The following ABCC1 variants were observed in gnomAD, a reference collection of about 807,000 sequenced individuals.
ABCC1 encodes the protein ATP binding cassette subfamily C member 1 (ABCC1 blood group), also known as multidrug resistance-associated protein 1.
ABCC1 carries 83 observed loss-of-function variants against 172.9 expected under a neutral mutation model. That is an observed-to-expected ratio of 0.48 (90% CI 0.40 to 0.58). The LOEUF (loss-of-function observed/expected upper bound fraction) is 0.58. Ranked by LOEUF, ABCC1 falls within the 20% of genes least tolerant of loss-of-function variation. The pLI, the probability that ABCC1 is intolerant of heterozygous loss-of-function variation, is 0.00. For synonymous variants in ABCC1, 937 were observed against 825.2 expected, an observed-to-expected ratio of 1.14 and a Z score of -2.32; for missense variants, 1,817 against 2,002.7, an observed-to-expected ratio of 0.91 and a Z score of 1.77.
chr16:16,118,883 T>TAAAAAAAAAAAAAAAAAAAA (rs397855738), intron 23 of ABCC1, among the ~76,000 whole-genome samples: 1 of 118,446 alleles, frequency 8.4e-6, no homozygotes. Context: ...AAGTGTATAT[T>TAAAAAAAAAAAAAAAAAAAA]AAAAAAAAAA....
At chr16:15,991,768 A>G (rs2046877115) in intron 1 of ABCC1, among the ~76,000 whole-genome samples, 3 of 152,050 alleles carry the variant, frequency 2.0e-5, no homozygotes, top group African/African-American at 7.2e-5. Flanking sequence ...AAGGCCATAC[A>G]CGCCGACTCT....
chr16:15,957,783 G>T (rs1411245260), intron 1 of ABCC1, among the ~76,000 whole-genome samples: 1 of 152,168 alleles, frequency 6.6e-6, no homozygotes, highest in East Asian at 1.9e-4. Context: ...GATAGAAACG[G>T]GGTTTCCAGT....
intron 1 of ABCC1, among the ~76,000 whole-genome samples, chr16:15,997,015 G>T (rs2047080063): frequency 6.6e-6 from 1 of 152,086 alleles, no homozygotes; most frequent in South Asian, 2.1e-4. Flanking sequence ...GACACAACTT[G>T]ATCAAGCTGG....
chr16:16,021,150 G>A (rs985044492), intron 5 of ABCC1, among the ~76,000 whole-genome samples: 3 of 152,068 alleles, frequency 2.0e-5, no homozygotes, highest in Non-Finnish European at 4.4e-5. Flanking sequence ...CATGTGGCAC[G>A]TATATTATGT....
In ABCC1 at chr16:16,057,464, C is replaced by A. The variant is rs142509407; in HGVS notation, c.1677+1169C>A. ...CTCCAGATGGGCATTTTTGTCGTTTCTCTTGACTGCTGTATCCTCAGTATA... is the reference window on the plus strand; with the variant it reads ...CTCCAGATGGGCATTTTTGTCGTTTATCTTGACTGCTGTATCCTCAGTATA... On this transcript the variant is annotated intron_variant, in intron 12 of 30. Transcript: ENST00000399410. Among the ~76,000 whole-genome samples the A allele has an allele frequency of 8.6e-5, 13 of 151,148 alleles. No individual in the cohort carries two copies. In the East Asian group the frequency reaches 2.5e-3, roughly 29 times the overall value.
In ABCC1 at chr16:16,072,374, A is replaced by G. The variant is rs201834272; in HGVS notation, c.1912+645A>G. Reference sequence around the variant, plus strand: ...ATATTTTGGTATGTTTTGTAGAGACAGGGTTTCACCATGTTGTCCAGGCCG... The same window carrying G: ...ATATTTTGGTATGTTTTGTAGAGACGGGGTTTCACCATGTTGTCCAGGCCG... On this transcript the variant is annotated intron_variant, in intron 14 of 30. Transcript: ENST00000399410. Among the ~76,000 whole-genome samples the G allele has an allele frequency of 3.3e-5, 5 of 151,968 alleles. No homozygotes were observed. In the East Asian group the frequency reaches 9.7e-4, roughly 30 times the overall value.
At chr16:16,006,871 C>T (rs112226663) in intron 1 of ABCC1, among the ~76,000 whole-genome samples, 145 of 148,022 alleles carry the variant, frequency 9.8e-4, no homozygotes, top group Non-Finnish European at 1.5e-3. Context: ...GTGGCGGTGG[C>T]GGTGGCGGTG....
intron 12 of ABCC1, among the ~76,000 whole-genome samples, chr16:16,060,503 G>C (rs1360969497): frequency 6.6e-6 from 1 of 151,924 alleles, no homozygotes; most frequent in East Asian, 1.9e-4. Context: ...GACTTTACCG[G>C]GGTGCGTTGA....
chr16:15,964,855 A>G (rs1437998428), intron 1 of ABCC1, among the ~76,000 whole-genome samples: 1 of 152,168 alleles, frequency 6.6e-6, no homozygotes, highest in African/African-American at 2.4e-5. Flanking sequence ...ATTAGAAGCT[A>G]TGTATCCTGC....
At chr16:15,973,797 G>A (rs1321010562) in intron 1 of ABCC1, among the ~76,000 whole-genome samples, 2 of 151,632 alleles carry the variant, frequency 1.3e-5, no homozygotes, top group Non-Finnish European at 2.9e-5. Context: ...GCAACATAGC[G>A]AGACCCAGTC....
At chr16:16,102,993 C>G (rs1041882249) in intron 20 of ABCC1, among the ~76,000 whole-genome samples, 2 of 152,210 alleles carry the variant, frequency 1.3e-5, no homozygotes, top group African/African-American at 4.8e-5. Flanking sequence ...TGGTGTGGGT[C>G]TTTGCTCAGG....
At chr16:16,074,739 T>C (rs187388598) in intron 14 of ABCC1, among the ~76,000 whole-genome samples, 222 of 152,302 alleles carry the variant, frequency 1.5e-3, no homozygotes, top group African/African-American at 4.9e-3. Context: ...GTTTCCTCAT[T>C]CCACGTCCAC....
chr16:16,124,337 G>GTGTGTGTATA (rs10673886), intron 24 of ABCC1, among the ~76,000 whole-genome samples: 3 of 122,812 alleles, frequency 2.4e-5, no homozygotes, highest in Admixed American at 8.0e-5. Context: ...GTGTGTGTGT[G>GTGTGTGTATA]TGTGTGTGTG....
At chr16:16,023,413 A>G (rs1032357198) in intron 5 of ABCC1, among the ~76,000 whole-genome samples, 6 of 152,184 alleles carry the variant, frequency 3.9e-5, no homozygotes, top group Non-Finnish European at 5.9e-5. Context: ...CTGTCAAGAT[A>G]TAGAACACTG....
chr16:16,037,349 A>G (rs925151548), intron 7 of ABCC1, among the ~76,000 whole-genome samples: 1 of 152,114 alleles, frequency 6.6e-6, no homozygotes, highest in Non-Finnish European at 1.5e-5. Flanking sequence ...TCTACCCCCT[A>G]TGTAAGGCGT....
Position 16,142,316 on chromosome 16 carries a change from T to C in ABCC1, c.*1035T>C, listed in dbSNP as rs760726414. 1 of 152,168 alleles carries C rather than the reference T, an allele frequency of 6.6e-6. No homozygotes were observed. Among genetic ancestry groups the C allele is most frequent in the Non-Finnish European group, 1.5e-5 (1 of 68,032 alleles). 9.4% of individuals were successfully genotyped at this position (152,168 alleles called of 1,614,324 possible). On this transcript the variant is annotated 3_prime_UTR_variant, in exon 31 of 31. Transcript: ENST00000399410. ...CCAAAGCAGTGTTGGTTGCTTACAG[T>C]GTTGATTGATTTTGTTCTTTTTTCT...
intron 19 of ABCC1, among the ~76,000 whole-genome samples, chr16:16,100,247 G>A (rs1325257620): frequency 2.6e-5 from 4 of 152,162 alleles, no homozygotes; most frequent in South Asian, 2.1e-4. Flanking sequence ...CAGCCTTAGC[G>A]AGCACTGCAT....
At chr16:16,074,751 C>T (rs35621) in intron 14 of ABCC1, among the ~76,000 whole-genome samples, 16,605 of 152,152 alleles carry the variant, frequency 0.11, 980 homozygotes, top group East Asian at 0.22. Context: ...CACGTCCACT[C>T]GTAGAAGAGC....
rs77203331 is a variant in ABCC1 at position 16,061,968 on chromosome 16, T to C, written c.1677+5673T>C. Among the ~76,000 whole-genome samples, 1,180 of 152,230 alleles carry C rather than the reference T, an allele frequency of 7.8e-3. 9 individuals carry two copies. Among genetic ancestry groups the C allele is most frequent in the African/African-American group, 0.027 (1,134 of 41,550 alleles). ...TCTGTAATTTTGCAGAGACAGGGTC[T>C]CACTTTGTTGCCCAGGATGTTTTCA... On this transcript the variant is annotated intron_variant, in intron 12 of 30. Coordinates refer to ENST00000399410, the MANE Select transcript of ABCC1 (RefSeq NM_004996.4).
Sources: gnomAD v4.1 joint callset for allele counts (sites outside exome capture counted in the v4.1 genomes callset) on GRCh38, gnomAD v4.1.1 for gene constraint, MANE v1.5 for transcripts, NCBI Gene and HGNC (gene_info 2026-07-23, HGNC 2026-07-21) for gene names.